SYNPO2: variants seen among roughly 807,000 people sequenced by gnomAD.
SYNPO2 encodes synaptopodin 2.
SYNPO2 carries 56 observed loss-of-function variants against 85.0 expected under a neutral mutation model. That is an observed-to-expected ratio of 0.66 (90% CI 0.53 to 0.82). SYNPO2 has a LOEUF of 0.82. Ranked by LOEUF, SYNPO2 falls within the 40% of genes least tolerant of loss-of-function variation. The pLI, the probability that SYNPO2 is intolerant of heterozygous loss-of-function variation, is 0.00. For synonymous variants in SYNPO2, 602 were observed against 591.1 expected (o/e 1.02, Z -0.27); for missense variants, 1,575 against 1,534.2 (o/e 1.03, Z -0.44).
chr4:119,015,652 A>T (rs1055768811), intron 1 of SYNPO2, among the ~76,000 whole-genome samples: 9 of 152,164 alleles, frequency 5.9e-5, no homozygotes, highest in Admixed American at 2.6e-4. Flanking sequence ...TCATTTAGCT[A>T]TTTGGGATGT....
chr4:119,026,810 AAG>A lies in SYNPO2; in HGVS notation c.442_443del (p.Ser148TrpfsTer24). On this transcript the variant is annotated frameshift_variant, in exon 3 of 5. Coordinates refer to ENST00000307142, the MANE Select transcript of SYNPO2 (RefSeq NM_133477.3). LOFTEE classifies it high-confidence loss of function. ...TEVPLAENQR[S>X]GPDCAGSLKE... Reference sequence around the variant, plus strand: ...AAGTTCCCCTAGCTGAGAACCAAAGAAGTGGTCCCGACTGTGCAGGCAGCTTG... The same window carrying A: ...AAGTTCCCCTAGCTGAGAACCAAAGATGGTCCCGACTGTGCAGGCAGCTTG... 6.6e-7 allele frequency: 1 copy of A among 1,513,148 alleles called. No homozygotes were observed. The highest frequency in any genetic ancestry group is 8.9e-7 in the Non-Finnish European group (1 of 1,127,196). The allele number at this position is 1,513,148 out of a possible 1,614,324, so 93.7% of individuals were successfully genotyped here.
rs367593521 is a variant in SYNPO2 at position 119,057,393 on chromosome 4, G to T, written c.3253-8G>T. On this transcript the variant is annotated splice_region_variant and splice_polypyrimidine_tract_variant and intron_variant, in intron 4 of 4. Coordinates refer to ENST00000307142, the MANE Select transcript of SYNPO2 (RefSeq NM_133477.3). ...AATGAGATATATTAATATTTTCATT[G>T]TTTTTAGGAGAGTGGGCGCTCCCTT... 4 of 1,562,070 alleles carry T rather than the reference G, an allele frequency of 2.6e-6. No homozygotes were observed. The highest frequency in any genetic ancestry group is 2.6e-6 in the Non-Finnish European group (3 of 1,159,758).
At chr4:119,048,057 G>A (rs552948556) in intron 4 of SYNPO2, among the ~76,000 whole-genome samples, 13 of 152,256 alleles carry the variant, frequency 8.5e-5, no homozygotes, top group South Asian at 2.1e-4. Flanking sequence ...AATCAAAGCC[G>A]TTTGAAACTC....
chr4:118,878,868 C>T (rs997048051), intron 1 of SYNPO2, among the ~76,000 whole-genome samples: 4 of 152,194 alleles, frequency 2.6e-5, no homozygotes, highest in South Asian at 4.1e-4. Context: ...CCACTCAGGT[C>T]CTTTTCTGTC....
At chr4:118,863,266 G>T (rs1225410147) in intron 1 of SYNPO2, among the ~76,000 whole-genome samples, 2 of 152,152 alleles carry the variant, frequency 1.3e-5, no homozygotes, top group Admixed American at 6.5e-5. Context: ...ATAGACTTCA[G>T]CAGTGAAGGC....
Position 119,027,070 on chromosome 4 carries a change from C to T in SYNPO2, c.701C>T (p.Ser234Leu). 1 of 1,614,130 alleles carries T rather than the reference C, an allele frequency of 6.2e-7. No homozygotes were observed. The highest frequency in any genetic ancestry group is 8.5e-7 in the Non-Finnish European group (1 of 1,180,026). ...SKSPDPDPNL[S>L]HDRIVHINSI... The stretch of plus-strand genomic sequence containing the variant: ...TCTCCTGACCCAGACCCTAACTTGT[C>T]ACATGACAGGATTGTCCACATAAAT... Residue 234 changes from serine (S) to leucine (L), a missense_variant, in exon 3 of 5, where the codon TCA (serine) becomes TTA (leucine). Transcript: ENST00000307142.
chr4:119,041,594 T>C (rs1401801088), intron 4 of SYNPO2, among the ~76,000 whole-genome samples: 2 of 152,224 alleles, frequency 1.3e-5, no homozygotes, highest in Non-Finnish European at 1.5e-5. Context: ...AGATTTTGAA[T>C]TCTGCATTAT....
chr4:118,976,107 G>C (rs1735720789), intron 1 of SYNPO2, among the ~76,000 whole-genome samples: 1 of 152,214 alleles, frequency 6.6e-6, no homozygotes, highest in African/African-American at 2.4e-5. Flanking sequence ...TGGTCTCACT[G>C]ACTTCAAGAA....
chr4:118,900,989 C>T (rs918228471), intron 1 of SYNPO2, among the ~76,000 whole-genome samples: 1 of 151,544 alleles, frequency 6.6e-6, no homozygotes, highest in Non-Finnish European at 1.5e-5. Flanking sequence ...TGCCATAAGC[C>T]GAGATATTCC....
chr4:119,022,761 TA>T (rs1423936303), intron 1 of SYNPO2, among the ~76,000 whole-genome samples: 3 of 142,812 alleles, frequency 2.1e-5, no homozygotes, highest in African/African-American at 7.6e-5. Context: ...TATTTTATTT[TA>T]TATTTTATTT....
chr4:119,037,675 G>A, intron 4 of SYNPO2: 1 of 979,754 alleles, frequency 1.0e-6, no homozygotes, highest in African/African-American at 1.7e-5. Context: ...TCTACTATAT[G>A]CAGGAACTGT....
intron 4 of SYNPO2, among the ~76,000 whole-genome samples, chr4:119,040,552 T>C (rs1045848951): frequency 3.9e-5 from 6 of 152,202 alleles, no homozygotes; most frequent in South Asian, 2.1e-4. Flanking sequence ...TAAAATAACA[T>C]CAGCTTTGAG....
At position 119,032,172 on chromosome 4, in the gene SYNPO2, C is replaced by T; in HGVS notation, c.3252+145C>T. On this transcript the variant is annotated intron_variant, in intron 4 of 4. Coordinates refer to ENST00000307142, the MANE Select transcript of SYNPO2 (RefSeq NM_133477.3). ...AACTTACTTAATTTCAGATATGTCA[C>T]CTCCTAATCTGGGTCCAAGGAGTAT... 2.0e-6 allele frequency: 3 copies of T among 1,471,282 alleles called. No individual in the cohort carries two copies. In the South Asian group the frequency reaches 4.2e-5, roughly 21 times the overall value. 91.1% of individuals were successfully genotyped at this position (1,471,282 alleles called of 1,614,324 possible).
At chr4:118,987,881 A>G (rs1208178437) in intron 1 of SYNPO2, among the ~76,000 whole-genome samples, 2 of 152,220 alleles carry the variant, frequency 1.3e-5, no homozygotes, top group African/African-American at 2.4e-5. Flanking sequence ...AGATGTGTAT[A>G]ATCATTATAA....
At position 119,032,588 on chromosome 4, in the gene SYNPO2, A is replaced by G. The variant is rs904318232; in HGVS notation, c.3252+561A>G. 9 of 994,454 alleles carry G rather than the reference A, an allele frequency of 9.1e-6. No individual in the cohort carries two copies. The African/African-American group carries it at 1.4e-4, about 15-fold the overall frequency. The allele number at this position is 994,454 out of a possible 1,614,324, so 61.6% of individuals were successfully genotyped here. On this transcript the variant is annotated intron_variant, in intron 4 of 4. Coordinates refer to ENST00000307142, the MANE Select transcript of SYNPO2 (RefSeq NM_133477.3). ...ACCTGTTTGATATCACAGAGAAGAT[A>G]CTCGGAGGATTGTTGGAATGTATAT...
At chr4:119,052,006 T>C (rs1739064958) in intron 4 of SYNPO2, among the ~76,000 whole-genome samples, 1 of 152,128 alleles carries the variant, frequency 6.6e-6, no homozygotes, top group African/African-American at 2.4e-5. Context: ...GGGTTTCACC[T>C]TTTTACCTCA....
At chr4:119,038,401 G>T (rs1167724485) in intron 4 of SYNPO2, 2 of 984,960 alleles carry the variant, frequency 2.0e-6, no homozygotes, top group Non-Finnish European at 2.4e-6. Context: ...CAGCAATGTT[G>T]TGTGACTTCT....
intron 1 of SYNPO2, among the ~76,000 whole-genome samples, chr4:118,855,753 C>A (rs972367167): frequency 3.3e-5 from 5 of 152,086 alleles, no homozygotes; most frequent in African/African-American, 1.2e-4. Context: ...GATGTCATAA[C>A]AATAATTATT....
chr4:119,034,520 C>CA, intron 4 of SYNPO2: 1 of 985,464 alleles, frequency 1.0e-6, no homozygotes, highest in Admixed American at 6.1e-5. Flanking sequence ...TGGAGTTCTC[C>CA]AAAACCTTGT....
Sources: allele counts gnomAD v4.1 joint callset (sites outside exome capture counted in the v4.1 genomes callset), GRCh38; gene constraint gnomAD v4.1.1; transcripts MANE v1.5; gene names NCBI Gene and HGNC (gene_info 2026-07-23, HGNC 2026-07-21).